The following HEMK2 variants were observed in gnomAD, a reference collection of about 807,000 sequenced individuals.
HEMK2 encodes the protein methyltransferase HEMK2.
At chr21:28,663,189 T>C in the HEMK2 span, among the ~76,000 whole-genome samples, 1 of 152,216 alleles carries the variant, frequency 6.6e-6, no homozygotes, top group East Asian at 1.9e-4. Context: ...CATAATTTCC[T>C]ACTAAAAGAG....
the HEMK2 span, among the ~76,000 whole-genome samples, chr21:28,606,252 C>CA: frequency 6.6e-6 from 1 of 151,796 alleles, no homozygotes; most frequent in East Asian, 1.9e-4. Flanking sequence ...CAAAACAAAA[C>CA]AAAAACGCCA....
At chr21:28,716,428 T>C in the HEMK2 span, among the ~76,000 whole-genome samples, 1 of 152,338 alleles carries the variant, frequency 6.6e-6, no homozygotes, top group African/African-American at 2.4e-5. Context: ...GATTTGGCTC[T>C]CAGCTTGAAC....
chr21:28,853,728 C>A, the HEMK2 span, among the ~76,000 whole-genome samples: 1 of 152,154 alleles, frequency 6.6e-6, no homozygotes, highest in African/African-American at 2.4e-5. Context: ...AGGCTGAGAG[C>A]AGCATGGGTT....
chr21:28,878,519 T>A, the HEMK2 span, among the ~76,000 whole-genome samples: 4 of 152,172 alleles, frequency 2.6e-5, no homozygotes, highest in Non-Finnish European at 4.4e-5. Context: ...AAATTAGTAA[T>A]CCTGTTTGTG....
chr21:28,831,713 AG>A, the HEMK2 span, among the ~76,000 whole-genome samples: 9 of 131,860 alleles, frequency 6.8e-5, no homozygotes, highest in Non-Finnish European at 1.4e-4. Context: ...GAAGGAAGGA[AG>A]GAAGGAAGGA....
chr21:28,653,044 G>C, the HEMK2 span, among the ~76,000 whole-genome samples: 1 of 151,982 alleles, frequency 6.6e-6, no homozygotes, highest in Non-Finnish European at 1.5e-5. Flanking sequence ...GCATGTAATT[G>C]AAAGTGGGTG....
the HEMK2 span, among the ~76,000 whole-genome samples, chr21:28,724,710 T>C: frequency 1.3e-5 from 2 of 152,264 alleles, no homozygotes; most frequent in Non-Finnish European, 2.9e-5. Flanking sequence ...GACTTTAGTA[T>C]GCCTCTGCAT....
chr21:28,757,251 T>C, the HEMK2 span, among the ~76,000 whole-genome samples: 3 of 152,202 alleles, frequency 2.0e-5, no homozygotes, highest in African/African-American at 4.8e-5. Flanking sequence ...AACCCAATTA[T>C]GGTTAAATTT....
the HEMK2 span, among the ~76,000 whole-genome samples, chr21:28,721,967 CATAAA>C: frequency 6.6e-6 from 1 of 150,894 alleles, no homozygotes; most frequent in East Asian, 1.9e-4. Context: ...TCATCAAACC[CATAAA>C]ATAAAAATTA....
At chr21:28,838,164 A>C in the HEMK2 span, among the ~76,000 whole-genome samples, 2 of 152,210 alleles carry the variant, frequency 1.3e-5, no homozygotes, top group Non-Finnish European at 2.9e-5. Flanking sequence ...AGATAAAGAA[A>C]GAAGGAACCA....
chr21:28,880,754 G>A, the HEMK2 span, among the ~76,000 whole-genome samples: 3 of 146,830 alleles, frequency 2.0e-5, no homozygotes, highest in South Asian at 4.3e-4. Context: ...AAAAAAAAAA[G>A]AAAGAAAGAA....
chr21:28,576,780 G>A, the HEMK2 span, among the ~76,000 whole-genome samples: 4 of 152,026 alleles, frequency 2.6e-5, no homozygotes, highest in African/African-American at 7.2e-5. Flanking sequence ...GTGCAATCTC[G>A]GTTCACTGCA....
the HEMK2 span, among the ~76,000 whole-genome samples, chr21:28,796,129 GTATTT>G: frequency 6.6e-6 from 1 of 152,100 alleles, no homozygotes; most frequent in Non-Finnish European, 1.5e-5. Flanking sequence ...TAGAATAAAT[GTATTT>G]TATTTTATTT....
chr21:28,829,572 C>G, the HEMK2 span, among the ~76,000 whole-genome samples: 1 of 152,162 alleles, frequency 6.6e-6, no homozygotes, highest in Non-Finnish European at 1.5e-5. Flanking sequence ...GAACTATGAA[C>G]CAATAAATTT....
At chr21:28,761,865 A>G in the HEMK2 span, among the ~76,000 whole-genome samples, 3 of 152,124 alleles carry the variant, frequency 2.0e-5, no homozygotes, top group African/African-American at 7.2e-5. Context: ...GGGGCAGCAA[A>G]TTGAAAAGAC....
chr21:28,841,428 A>T, the HEMK2 span, among the ~76,000 whole-genome samples: 385 of 51,276 alleles, frequency 7.5e-3, 34 homozygotes, highest in Non-Finnish European at 9.7e-3. Flanking sequence ...TATATATAAA[A>T]TATATATATT....
At chr21:28,841,206 A>ATT in the HEMK2 span, among the ~76,000 whole-genome samples, 1 of 16,874 alleles carries the variant, frequency 5.9e-5, no homozygotes, top group Non-Finnish European at 8.4e-5. Flanking sequence ...TATATTATAT[A>ATT]ATATATTATA....
chr21:28,709,717 A>C, the HEMK2 span, among the ~76,000 whole-genome samples: 1 of 152,212 alleles, frequency 6.6e-6, no homozygotes, highest in South Asian at 2.1e-4. Context: ...AGGCTTTGTA[A>C]GGCAAAATCA....
At chr21:28,633,172 G>C in the HEMK2 span, among the ~76,000 whole-genome samples, 1 of 152,150 alleles carries the variant, frequency 6.6e-6, no homozygotes. Context: ...GAGGAAGCAA[G>C]TCTGAACCTG....
Sources: allele counts gnomAD v4.1 joint callset (sites outside exome capture counted in the v4.1 genomes callset), GRCh38; gene constraint gnomAD v4.1.1; transcripts MANE v1.5; gene names NCBI Gene and HGNC (gene_info 2026-07-23, HGNC 2026-07-21).